The following GRK1 variants were observed in gnomAD, a reference collection of about 807,000 sequenced individuals.
GRK1 encodes rhodopsin kinase GRK1.
Under a neutral mutation model 41.7 loss-of-function variants are expected in GRK1, and 28 were observed. The ratio of observed to expected loss-of-function variants is 0.67; its 90% CI spans 0.50 to 0.92. The LOEUF is 0.92. Ranked by LOEUF, GRK1 falls within the 40% of genes least tolerant of loss-of-function variation. GRK1 has a pLI of 0.00. For synonymous variants in GRK1, 327 were observed against 286.7 expected (o/e 1.14, Z -1.42); for missense variants, 703 against 671.2 (o/e 1.05, Z -0.52).
At position 113,731,661 on chromosome 13, in the gene GRK1, G is replaced by A. The variant is rs533036378; in HGVS notation, c.1194+318G>A. On this transcript the variant is annotated intron_variant, in intron 5 of 6. Coordinates refer to ENST00000335678, the MANE Select transcript of GRK1 (RefSeq NM_002929.3). This position sits in a 1 kb window ranked among gnomAD's most constrained non-coding sequence, Gnocchi z 5.6. Reference sequence around the variant, plus strand: ...AGCCTCTGAGGGCCCTGTGGGGGCCGGTCCCTCTGGTGCAGACCGGAGGAG... The same window carrying A: ...AGCCTCTGAGGGCCCTGTGGGGGCCAGTCCCTCTGGTGCAGACCGGAGGAG... Among the ~76,000 whole-genome samples the A allele has an allele frequency of 3.3e-5, 5 of 152,246 alleles. No homozygotes were observed. In the East Asian group the frequency reaches 5.8e-4, roughly 18 times the overall value.
chr13:113,730,316 C>G (rs1442129030), intron 4 of GRK1, among the ~76,000 whole-genome samples: 13 of 135,806 alleles, frequency 9.6e-5, no homozygotes, highest in Admixed American at 4.4e-4. Context: ...CCCTCCATCC[C>G]GACAGTCCCC....
upstream of GRK1, among the ~76,000 whole-genome samples, chr13:113,664,078 C>G (rs2049803950): frequency 2.0e-5 from 3 of 152,212 alleles, no homozygotes; most frequent in South Asian, 6.2e-4. The surrounding 1 kb of genome is among the most constrained non-coding windows in gnomAD (Gnocchi z 5.4). Flanking sequence ...GTGGAGCACA[C>G]CACAGAGACG....
At position 113,668,035 on chromosome 13, in the gene GRK1, G is replaced by T; in HGVS notation, c.649G>T (p.Ala217Ser). The change falls in exon 1 of 7, where the codon GCC (alanine) becomes TCC (serine). Residue 217 changes from alanine to serine, a missense_variant. Coordinates refer to ENST00000335678, the MANE Select transcript of GRK1 (RefSeq NM_002929.3). ...CQMKATGKLY[A>S]CKKLNKKRLK... ...GATGAAGGCGACCGGCAAGCTGTATGCCTGCAAGAAGCTGAACAAGAAGCG... is the reference window on the plus strand; with the variant it reads ...GATGAAGGCGACCGGCAAGCTGTATTCCTGCAAGAAGCTGAACAAGAAGCG... The T allele has an allele frequency of 6.2e-7, 1 of 1,611,508 alleles. No individual in the cohort carries two copies. The highest frequency in any genetic ancestry group is 8.5e-7 in the Non-Finnish European group (1 of 1,179,010).
chr13:113,671,759 G>A lies in GRK1; in HGVS notation c.985+103G>A. 1.5e-6 allele frequency: 1 copy of A among 684,994 alleles called. No individual in the cohort carries two copies. 42.4% of individuals were successfully genotyped at this position (684,994 alleles called of 1,614,324 possible). A position where few individuals can be genotyped will look rare whatever the true frequency, so the allele number is the denominator to read the frequency against. ...ACCTCACGAGGGCTGACGGCTGTGTGGACGGTGGGGGTTCATGAGGGCTGA... is the reference window on the plus strand; with the variant it reads ...ACCTCACGAGGGCTGACGGCTGTGTAGACGGTGGGGGTTCATGAGGGCTGA... On this transcript the variant is annotated intron_variant, in intron 3 of 6. Coordinates refer to ENST00000335678, the MANE Select transcript of GRK1 (RefSeq NM_002929.3). This position sits in a 1 kb window ranked among gnomAD's most constrained non-coding sequence, Gnocchi z 4.1.
chr13:113,649,242 C>G, the GRK1 span: 2 of 1,117,486 alleles, frequency 1.8e-6, no homozygotes, highest in Non-Finnish European at 2.5e-6. This position sits in a 1 kb window ranked among gnomAD's most constrained non-coding sequence, Gnocchi z 4.7. Context: ...GGAGTTCGCA[C>G]ACTGACAACA....
At chr13:113,734,221 C>G (rs904071125) in intron 6 of GRK1, among the ~76,000 whole-genome samples, 32 of 152,302 alleles carry the variant, frequency 2.1e-4, no homozygotes, top group Middle Eastern at 3.4e-3. Flanking sequence ...ACCCCCCAAA[C>G]GAGAAGTCGC....
the GRK1 span, chr13:113,652,659 A>C: frequency 3.0e-6 from 2 of 663,974 alleles, no homozygotes; most frequent in Non-Finnish European, 5.5e-6. Flanking sequence ...AGGGCCGGCT[A>C]TGTGCTGGTG....
Position 113,735,494 on chromosome 13 carries a change from G to C in GRK1, c.*131G>C, listed in dbSNP as rs1201116035. On this transcript the variant is annotated 3_prime_UTR_variant, in exon 7 of 7. Coordinates refer to ENST00000335678, the MANE Select transcript of GRK1 (RefSeq NM_002929.3). ...TTCCCTCCACCCAGGTCCCCATCAC[G>C]CCATCTCCTTGCGGCCCAAGGAGGA... The C allele has an allele frequency of 9.6e-7, 1 of 1,040,400 alleles. No homozygotes were observed. The highest frequency in any genetic ancestry group is 1.6e-5 in the African/African-American group (1 of 61,944). The allele number at this position is 1,040,400 out of a possible 1,614,324, so 64.4% of individuals were successfully genotyped here. A position where few individuals can be genotyped will look rare whatever the true frequency, so the allele number is the denominator to read the frequency against.
At position 113,731,915 on chromosome 13, in the gene GRK1, A is replaced by G. The variant is rs777877291; in HGVS notation, c.1194+572A>G. On this transcript the variant is annotated intron_variant, in intron 5 of 6. Coordinates refer to ENST00000335678, the MANE Select transcript of GRK1 (RefSeq NM_002929.3). The surrounding 1 kb of genome is among the most constrained non-coding windows in gnomAD (Gnocchi z 5.6). The stretch of plus-strand genomic sequence containing the variant: ...AGAACCCACAGCCCATGGTGGGCCC[A>G]GCAGCTGCTCTGAATGTCCCGGAGT... 6.6e-6 allele frequency among the ~76,000 whole-genome samples: 1 copy of G among 152,072 alleles called. No homozygotes were observed. Among genetic ancestry groups the G allele is most frequent in the Non-Finnish European group, 1.5e-5 (1 of 68,000 alleles).
At chr13:113,663,910 A>G (rs2049802816), upstream of GRK1, among the ~76,000 whole-genome samples, 1 of 152,224 alleles carries the variant, frequency 6.6e-6, no homozygotes, top group Non-Finnish European at 1.5e-5. Flanking sequence ...TAAACGTGCA[A>G]TTACGACACT....
At position 113,735,120 on chromosome 13, in the gene GRK1, T is replaced by A; in HGVS notation, c.1449T>A (p.Asp483Glu). 1 of 1,536,994 alleles carries A rather than the reference T, an allele frequency of 6.5e-7. No homozygotes were observed. The highest frequency in any genetic ancestry group is 8.7e-7 in the Non-Finnish European group (1 of 1,146,740). ...ACTCCAAAACTGTCTACGCAAAGGA[T>A]ATTCAGGACGTGGGTGCCTTTTCCA... ...IPDSKTVYAK[D>E]IQDVGAFSTV... The change falls in exon 7 of 7, where the codon GAT becomes GAA. Residue 483 changes from aspartate (D) to glutamate (E), a missense_variant. By Grantham distance (45) the Asp-to-Glu change is conservative. Transcript: ENST00000335678.
Position 113,735,160 on chromosome 13 carries a change from G to A in GRK1, c.1489G>A (p.Ala497Thr), listed in dbSNP as rs2049993699. Reference protein sequence around the residue: ...VGAFSTVKGVAFDKTDTEFFQ... With the variant: ...VGAFSTVKGVTFDKTDTEFFQ... ...TGCCTTTTCCACCGTCAAAGGTGTG[G>A]CCTTTGACAAAACAGACACAGAATT... The change falls in exon 7 of 7, where the codon GCC (alanine) becomes ACC (threonine). Residue 497 changes from alanine to threonine, a missense_variant. Transcript: ENST00000335678. 3.3e-6 allele frequency: 5 copies of A among 1,537,224 alleles called. No individual in the cohort carries two copies. Among genetic ancestry groups the A allele is most frequent in the Non-Finnish European group, 4.4e-6 (5 of 1,146,880 alleles).
chr13:113,656,093 G>C, the GRK1 span, among the ~76,000 whole-genome samples: 1 of 152,242 alleles, frequency 6.6e-6, no homozygotes, highest in African/African-American at 2.4e-5. Flanking sequence ...CTTGGCTTCA[G>C]CCTCCGGTTT....
the GRK1 span, chr13:113,649,075 A>G: frequency 4.0e-6 from 1 of 252,274 alleles, no homozygotes; most frequent in South Asian, 5.6e-5. The surrounding 1 kb of genome is among the most constrained non-coding windows in gnomAD (Gnocchi z 4.7). Context: ...TAGAAGACGA[A>G]TCGTTTTTAT....
chr13:113,668,071 A>T lies in GRK1; in HGVS notation c.685A>T (p.Arg229Trp). 1 of 1,606,976 alleles carries T rather than the reference A, an allele frequency of 6.2e-7. No individual in the cohort carries two copies. Among genetic ancestry groups the T allele is most frequent in the Non-Finnish European group, 8.5e-7 (1 of 1,177,104 alleles). The change falls in exon 1 of 7, where the codon AGG (arginine) becomes TGG (tryptophan). Residue 229 changes from arginine (R) to tryptophan (W), a missense_variant. Transcript: ENST00000335678. ...GCTGAACAAGAAGCGGCTGAAGAAGAGGAAGGGCTACCAGGTGAGCAGCGC... is the reference window on the plus strand; with the variant it reads ...GCTGAACAAGAAGCGGCTGAAGAAGTGGAAGGGCTACCAGGTGAGCAGCGC... ...KKLNKKRLKKRKGYQGAMVEK... is the reference protein window; with the variant it reads ...KKLNKKRLKKWKGYQGAMVEK...
upstream of GRK1, among the ~76,000 whole-genome samples, chr13:113,662,754 T>C (rs920239221): frequency 2.0e-5 from 3 of 152,176 alleles, no homozygotes; most frequent in African/African-American, 7.2e-5. Context: ...TGTACAGGAC[T>C]TGCATGCTGA....
chr13:113,728,453 AGGAGTACCCATGGTG>A (rs2049910091), intron 4 of GRK1, among the ~76,000 whole-genome samples: 51 of 150,948 alleles, frequency 3.4e-4, no homozygotes, highest in African/African-American at 1.1e-3. Flanking sequence ...ACCCATGGCG[AGGAGTACCCATGGTG>A]ATGAGGAGTA....
the GRK1 span, among the ~76,000 whole-genome samples, chr13:113,661,248 T>C: frequency 1.3e-5 from 2 of 151,908 alleles, no homozygotes; most frequent in Non-Finnish European, 2.9e-5. Flanking sequence ...CTAATACTCA[T>C]GAGTCAAAAA....
Position 113,736,483 on chromosome 13 carries a change from C to T in GRK1, c.*1120C>T, listed in dbSNP as rs1018500699. The T allele has an allele frequency of 2.0e-5, 3 of 152,278 alleles. No homozygotes were observed. The highest frequency in any genetic ancestry group is 7.2e-5 in the African/African-American group (3 of 41,448). The allele number at this position is 152,278 out of a possible 1,614,324, so 9.4% of individuals were successfully genotyped here. A position where few individuals can be genotyped will look rare whatever the true frequency, so the allele number is the denominator to read the frequency against. On this transcript the variant is annotated 3_prime_UTR_variant, in exon 7 of 7. Coordinates refer to ENST00000335678, the MANE Select transcript of GRK1 (RefSeq NM_002929.3). ...CTGCACTTTGAACACTGAAGGTTCCCCAAATGCTTTGTGTGTTTTAACTGC... is the reference window on the plus strand; with the variant it reads ...CTGCACTTTGAACACTGAAGGTTCCTCAAATGCTTTGTGTGTTTTAACTGC...
Sources: allele counts gnomAD v4.1 joint callset (sites outside exome capture counted in the v4.1 genomes callset), GRCh38; gene constraint gnomAD v4.1.1; non-coding constraint Gnocchi (gnomAD v3.1); transcripts MANE v1.5; gene names NCBI Gene and HGNC (gene_info 2026-07-23, HGNC 2026-07-21).